The following ZNF675 variants were observed in gnomAD, a reference collection of about 807,000 sequenced individuals.
The protein encoded by ZNF675 is zinc finger protein 675, also known as TRAF6 inhibitory zinc finger.
ZNF675 carries 36 observed loss-of-function variants against 56.1 expected under a neutral mutation model. The observed-to-expected ratio is 0.64, with a 90% CI of 0.49 to 0.85. The LOEUF (loss-of-function observed/expected upper bound fraction) is 0.85, where lower values mean the gene tolerates loss of function less well. ZNF675 is among the 40% of genes least tolerant of loss of function. The pLI is 0.00. For synonymous variants in ZNF675, 200 were observed against 218.9 expected, an observed-to-expected ratio of 0.91 and a Z score of 0.76; for missense variants, 663 against 654.2, an observed-to-expected ratio of 1.01 and a Z score of -0.15.
At chr19:23,685,691 A>G (rs910080918) in intron 1 of ZNF675, among the ~76,000 whole-genome samples, 1 of 152,248 alleles carries the variant, frequency 6.6e-6, no homozygotes, top group African/African-American at 2.4e-5. Flanking sequence ...ATTCAATGTC[A>G]AAAAATGCTT....
In ZNF675 at chr19:23,653,487, A is replaced by G; in HGVS notation, c.1446T>C (p.Cys482=). The G allele has an allele frequency of 1.2e-6, 2 of 1,613,180 alleles. No homozygotes were observed. The highest frequency in any genetic ancestry group is 2.2e-5 in the East Asian group (1 of 44,852). The change falls in exon 4 of 4, where the codon TGT becomes TGC. Residue 482 remains cysteine, a synonymous_variant. Coordinates refer to ENST00000359788, the MANE Select transcript of ZNF675 (RefSeq NM_138330.3). The part of the protein sequence containing the change: ...KIHSGEIPYK[C]EECGKAFKHS... The stretch of plus-strand genomic sequence containing the variant: ...GTTTAAAAGCTTTGCCACATTCTTC[A>G]CACTTGTAGGGTATCTCTCCAGAAT...
At chr19:23,658,969 A>ATCTATAGATAGAGATCTATATC (rs1568289318) in intron 3 of ZNF675, among the ~76,000 whole-genome samples, 29 of 145,654 alleles carry the variant, frequency 2.0e-4, no homozygotes, top group African/African-American at 7.3e-4. Flanking sequence ...CTATAGATAG[A>ATCTATAGATAGAGATCTATATC]TATAGATCTA....
chr19:23,658,898 G>GATATATAGAT (rs1443275026), intron 3 of ZNF675, among the ~76,000 whole-genome samples: 1 of 6,298 alleles, frequency 1.6e-4, no homozygotes, highest in Non-Finnish European at 3.3e-4. Flanking sequence ...TAGATCTATA[G>GATATATAGAT]ATATCTATAG....
intron 1 of ZNF675, among the ~76,000 whole-genome samples, chr19:23,665,759 A>G (rs944635887): frequency 3.3e-5 from 5 of 152,138 alleles, no homozygotes; most frequent in African/African-American, 1.2e-4. Flanking sequence ...TTGGCCTCCC[A>G]AAGTGCTGGG....
chr19:23,669,095 C>T (rs767394060), intron 1 of ZNF675, among the ~76,000 whole-genome samples: 2 of 152,200 alleles, frequency 1.3e-5, no homozygotes, highest in Non-Finnish European at 2.9e-5. Flanking sequence ...CCTCTCAAGA[C>T]CTTTTCCTTT....
chr19:23,665,806 G>A (rs1007450619), intron 1 of ZNF675, among the ~76,000 whole-genome samples: 8 of 152,086 alleles, frequency 5.3e-5, no homozygotes, highest in Non-Finnish European at 1.2e-4. Flanking sequence ...GCCATTAATG[G>A]GTATTTTAAA....
At chr19:23,664,780 A>G (rs927178184) in intron 1 of ZNF675, among the ~76,000 whole-genome samples, 2 of 151,884 alleles carry the variant, frequency 1.3e-5, no homozygotes, top group African/African-American at 4.8e-5. Flanking sequence ...GCAAAACCCC[A>G]TCTCTACTAA....
At chr19:23,663,610 A>T (rs1486101725) in intron 1 of ZNF675, among the ~76,000 whole-genome samples, 1 of 152,128 alleles carries the variant, frequency 6.6e-6, no homozygotes, top group Non-Finnish European at 1.5e-5. Flanking sequence ...GAGAATCACG[A>T]GAATGGCTTG....
chr19:23,671,717 T>C lies in ZNF675; in HGVS notation c.4-8559A>G, dbSNP rs922607700. On this transcript the variant is annotated intron_variant, in intron 1 of 3. Transcript: ENST00000359788. ...CCAATTCAGCGGTTTATCTAGTTGC[T>C]ATAGTCTAGACTAAAAGTTCCCGGA... Among the ~76,000 whole-genome samples, 2 of 151,636 alleles carry C rather than the reference T, an allele frequency of 1.3e-5. 1 individual carries two copies. The highest frequency in any genetic ancestry group is 4.8e-5 in the African/African-American group (2 of 41,254).
chr19:23,657,507 G>A (rs946051351), intron 3 of ZNF675, among the ~76,000 whole-genome samples: 4 of 152,098 alleles, frequency 2.6e-5, no homozygotes, highest in African/African-American at 4.8e-5. Context: ...ACCTGAGGTC[G>A]GGAGTTGGAG....
intron 1 of ZNF675, among the ~76,000 whole-genome samples, chr19:23,682,225 G>T (rs972067215): frequency 6.6e-6 from 1 of 151,710 alleles, no homozygotes; most frequent in Non-Finnish European, 1.5e-5. Context: ...CTAAGAATAT[G>T]CTAACTTCAG....
At chr19:23,660,316 A>G (rs1337011716) in intron 3 of ZNF675, among the ~76,000 whole-genome samples, 1 of 152,194 alleles carries the variant, frequency 6.6e-6, no homozygotes, top group Non-Finnish European at 1.5e-5. Flanking sequence ...CACAGATGCC[A>G]ATGCAAAACT....
rs541571153 is a variant in ZNF675, at chr19:23,654,600, A to C, written c.333T>G (p.Phe111Leu). 1 of 1,611,516 alleles carries C rather than the reference A, an allele frequency of 6.2e-7. No individual in the cohort carries two copies. The highest frequency in any genetic ancestry group is 1.1e-5 in the South Asian group (1 of 90,708). Reference sequence around the variant, plus strand: ...CCACACTTTTACAGCCTTTTAACTGAAAATTATCATTTCCACATTTTTCAT... The same window carrying C: ...CCACACTTTTACAGCCTTTTAACTGCAAATTATCATTTCCACATTTTTCAT... ...RRYEKCGNDN[F>L]QLKGCKSVDE... Residue 111 changes from phenylalanine (F) to leucine (L), a missense_variant, in exon 4 of 4, where the codon TTT (phenylalanine) becomes TTG (leucine). By Grantham distance (22) the Phe-to-Leu change is conservative (BLOSUM62 0). Coordinates refer to ENST00000359788, the MANE Select transcript of ZNF675 (RefSeq NM_138330.3).
intron 1 of ZNF675, among the ~76,000 whole-genome samples, chr19:23,685,587 G>A (rs546782776): frequency 1.3e-5 from 2 of 152,180 alleles, no homozygotes; most frequent in South Asian, 2.1e-4. Context: ...AAAATGAGGC[G>A]AAAAGATTTT....
At chr19:23,674,134 C>T (rs889087302) in intron 1 of ZNF675, among the ~76,000 whole-genome samples, 3 of 151,176 alleles carry the variant, frequency 2.0e-5, no homozygotes, top group African/African-American at 7.4e-5. Flanking sequence ...ACCCGGGAGG[C>T]AGAGGTTGCA....
intron 3 of ZNF675, among the ~76,000 whole-genome samples, chr19:23,658,876 T>TCTATAGATATAGATCTATAG (rs1555706348): frequency 0.04 from 154 of 3,832 alleles, 1 homozygote; most frequent in Non-Finnish European, 0.1. Context: ...GATCTATAGA[T>TCTATAGATATAGATCTATAG]ATCTATAGAT....
chr19:23,686,713 A>G (rs1477762488), intron 1 of ZNF675, among the ~76,000 whole-genome samples: 1 of 152,200 alleles, frequency 6.6e-6, no homozygotes, highest in African/African-American at 2.4e-5. Flanking sequence ...ACCCTGAGTC[A>G]GGATTCTCCG....
At chr19:23,678,656 A>G (rs971716367) in intron 1 of ZNF675, among the ~76,000 whole-genome samples, 2 of 148,762 alleles carry the variant, frequency 1.3e-5, no homozygotes, top group African/African-American at 5.2e-5. Context: ...ACAAAGCTGG[A>G]GGCATTACAT....
At chr19:23,659,931 C>T (rs1381874431) in intron 3 of ZNF675, among the ~76,000 whole-genome samples, 1 of 152,124 alleles carries the variant, frequency 6.6e-6, no homozygotes, top group Admixed American at 6.6e-5. Flanking sequence ...GTCAGTTCTG[C>T]CTATACAGAA....
Sources: allele counts gnomAD v4.1 joint callset (sites outside exome capture counted in the v4.1 genomes callset), GRCh38; gene constraint gnomAD v4.1.1; transcripts MANE v1.5; gene names NCBI Gene and HGNC (gene_info 2026-07-23, HGNC 2026-07-21).